Variants in SPAG17 observed in about 807,000 individuals in gnomAD.
The protein encoded by SPAG17 is sperm associated antigen 17.
Under a neutral mutation model 273.6 loss-of-function variants are expected in SPAG17, and 169 were observed. That is an observed-to-expected ratio of 0.62 (90% CI 0.55 to 0.70). The LOEUF (loss-of-function observed/expected upper bound fraction) is 0.70, where lower values mean the gene tolerates loss of function less well. SPAG17 is among the 30% of genes least tolerant of loss of function. SPAG17 has a pLI of 0.00. For missense variants in SPAG17, 2,557 were observed against 2,627.8 expected (o/e 0.97, Z 0.59); for synonymous variants, 825 against 873.2 (o/e 0.94, Z 0.97).
chr1:118,053,138 T>A (rs564784306), intron 20 of SPAG17, among the ~76,000 whole-genome samples: 2 of 152,060 alleles, frequency 1.3e-5, no homozygotes, highest in Admixed American at 6.6e-5. Context: ...ATTCAATATA[T>A]CAACAGAAGA....
intron 48 of SPAG17, chr1:117,955,150 C>T (rs1160279619): frequency 3.8e-6 from 2 of 522,598 alleles, no homozygotes; most frequent in African/African-American, 3.9e-5. Context: ...GTTCAGTTGT[C>T]AACCCAGATC....
At chr1:117,988,435 TATCTC>T (rs1656686766) in intron 38 of SPAG17, among the ~76,000 whole-genome samples, 2 of 152,244 alleles carry the variant, frequency 1.3e-5, no homozygotes, top group South Asian at 4.1e-4. Flanking sequence ...AATGCAGTGA[TATCTC>T]ATTTATCCCA....
chr1:118,074,049 G>T, intron 16 of SPAG17, 82 bp from the exon 17 acceptor site: 1 of 844,574 alleles, frequency 1.2e-6, no homozygotes, highest in Non-Finnish European at 1.8e-6. Flanking sequence ...CAACTAACCA[G>T]TATGTACTCC....
At chr1:118,043,916 T>C (rs1571326059) in intron 20 of SPAG17, among the ~76,000 whole-genome samples, 2 of 152,180 alleles carry the variant, frequency 1.3e-5, no homozygotes, top group East Asian at 1.9e-4. Context: ...TAAATAAAAA[T>C]ATCAACATTC....
intron 7 of SPAG17, among the ~76,000 whole-genome samples, chr1:118,094,564 T>C (rs568904490): frequency 6.6e-6 from 1 of 152,352 alleles, no homozygotes; most frequent in Admixed American, 6.5e-5. Context: ...ATGGATCCTA[T>C]CTTGGATATG....
chr1:117,974,062 C>A (rs1345228060), intron 43 of SPAG17, among the ~76,000 whole-genome samples: 1 of 152,132 alleles, frequency 6.6e-6, no homozygotes, highest in Non-Finnish European at 1.5e-5. Context: ...AAATCCAATC[C>A]ATCATTGATG....
chr1:118,163,717 C>T (rs1331046068), intron 1 of SPAG17, among the ~76,000 whole-genome samples: 1 of 151,914 alleles, frequency 6.6e-6, no homozygotes, highest in Non-Finnish European at 1.5e-5. Context: ...ACCATTTTCC[C>T]TTATGACCTT....
At chr1:118,138,514 C>T (rs1658486182) in intron 3 of SPAG17, among the ~76,000 whole-genome samples, 1 of 151,560 alleles carries the variant, frequency 6.6e-6, no homozygotes, top group African/African-American at 2.4e-5. Context: ...AAATTATTTA[C>T]ATCACAAACC....
At chr1:118,115,090 ATTG>A (rs1436286965) in intron 4 of SPAG17, among the ~76,000 whole-genome samples, 2 of 152,120 alleles carry the variant, frequency 1.3e-5, no homozygotes, top group East Asian at 3.8e-4. Flanking sequence ...TGCTTTGAAT[ATTG>A]TTACTTTCAT....
intron 15 of SPAG17, among the ~76,000 whole-genome samples, chr1:118,077,892 T>C (rs1007959756): frequency 6.6e-6 from 1 of 152,144 alleles, no homozygotes; most frequent in Non-Finnish European, 1.5e-5. Flanking sequence ...CAAGACACAG[T>C]GGAGGAAGCA....
chr1:117,992,407 A>G, intron 36 of SPAG17, 59 bp downstream of exon 36: 1 of 1,477,050 alleles, frequency 6.8e-7, no homozygotes. Flanking sequence ...TTAGGAAACC[A>G]AAAGCAATGA....
intron 4 of SPAG17, among the ~76,000 whole-genome samples, chr1:118,106,876 T>A (rs1656432268): frequency 6.6e-6 from 1 of 152,170 alleles, no homozygotes; most frequent in South Asian, 2.1e-4. Flanking sequence ...TGCAGCCACA[T>A]AAGTCTCATC....
At chr1:118,012,017 A>C (rs1659522826) in intron 30 of SPAG17, among the ~76,000 whole-genome samples, 1 of 152,052 alleles carries the variant, frequency 6.6e-6, no homozygotes, top group South Asian at 2.1e-4. Flanking sequence ...TAAATTTTAT[A>C]AAGCAAATAT....
intron 3 of SPAG17, among the ~76,000 whole-genome samples, chr1:118,118,304 C>T (rs951219167): frequency 4.6e-5 from 7 of 152,102 alleles, no homozygotes; most frequent in Admixed American, 2.0e-4. Flanking sequence ...AATAAGTGTG[C>T]GTACCTGTGC....
At chr1:118,100,053 C>T (rs1213008060) in intron 5 of SPAG17, among the ~76,000 whole-genome samples, 2 of 152,182 alleles carry the variant, frequency 1.3e-5, no homozygotes, top group East Asian at 1.9e-4. Flanking sequence ...GAAGGACAAA[C>T]CTATATGGGG....
At chr1:118,113,779 T>C (rs982952841) in intron 4 of SPAG17, among the ~76,000 whole-genome samples, 15 of 152,178 alleles carry the variant, frequency 9.9e-5, no homozygotes, top group African/African-American at 3.6e-4. Context: ...CTCTTAATTG[T>C]ATTATTAGAG....
intron 48 of SPAG17, chr1:117,962,164 C>A (rs1653185182): frequency 6.6e-6 from 1 of 152,032 alleles, no homozygotes; most frequent in African/African-American, 2.4e-5. Context: ...ATGTTTCTGT[C>A]TGCTAAGTGT....
At chr1:118,097,917 C>T in intron 6 of SPAG17, 66 bp from the exon 7 acceptor site, 3 of 1,095,462 alleles carry the variant, frequency 2.7e-6, no homozygotes, top group Non-Finnish European at 3.9e-6. Context: ...TTTAAGTGAA[C>T]ATGGTGAGTC....
Position 118,170,634 on chromosome 1 carries a change from G to A in SPAG17, c.87+14437C>T, listed in dbSNP as rs75412929. Among the ~76,000 whole-genome samples, 170 of 152,276 alleles carry A rather than the reference G, an allele frequency of 1.1e-3. 2 individuals are homozygous for A. The East Asian group carries it at 0.025, about 22-fold the overall frequency. ...TTAATATTCACAGCAAGCTTTTGAC[G>A]TGGATATTATTGTCTCTATCTGACA... On this transcript the variant is annotated intron_variant, in intron 1 of 48. Transcript: ENST00000336338.
Sources: gnomAD v4.1 joint callset for allele counts (sites outside exome capture counted in the v4.1 genomes callset) on GRCh38, gnomAD v4.1.1 for gene constraint, MANE v1.5 for transcripts, NCBI Gene and HGNC (gene_info 2026-07-23, HGNC 2026-07-21) for gene names.